Variants in PDSS2 observed in about 807,000 individuals in gnomAD.
PDSS2 encodes the protein all trans-polyprenyl-diphosphate synthase PDSS2.
In PDSS2, 31 loss-of-function variants were observed where a neutral mutation model predicts 44.5. The ratio of observed to expected loss-of-function variants is 0.70; its 90% confidence interval spans 0.52 to 0.94. PDSS2 has a LOEUF of 0.94. Ranked by LOEUF, PDSS2 falls within the 40% of genes least tolerant of loss-of-function variation. The pLI is 0.00. For missense variants in PDSS2, 452 were observed against 482.2 expected (o/e 0.94, Z 0.59); for synonymous variants, 157 against 180.3 (o/e 0.87, Z 1.03).
intron 7 of PDSS2, among the ~76,000 whole-genome samples, chr6:107,166,761 T>A (rs1771366505): frequency 6.6e-6 from 1 of 152,218 alleles, no homozygotes; most frequent in African/African-American, 2.4e-5. Context: ...TTGGTTCTGT[T>A]TATATGCTGG....
At chr6:107,367,802 CAAAAA>C (rs58861327) in intron 1 of PDSS2, among the ~76,000 whole-genome samples, 1 of 101,668 alleles carries the variant, frequency 9.8e-6, no homozygotes, top group Admixed American at 1.2e-4. Flanking sequence ...AACTCTGTCT[CAAAAA>C]AAAAAAAAAA....
intron 3 of PDSS2, among the ~76,000 whole-genome samples, chr6:107,258,980 C>A (rs1775121726): frequency 6.6e-6 from 1 of 152,140 alleles, no homozygotes; most frequent in African/African-American, 2.4e-5. Flanking sequence ...TTTAGTAAAG[C>A]ATGAGGATTT....
intron 4 of PDSS2, among the ~76,000 whole-genome samples, chr6:107,218,241 G>A (rs1861419): frequency 0.15 from 22,374 of 152,104 alleles, 1,885 homozygotes; most frequent in East Asian, 0.27. Flanking sequence ...GTTACAGTCT[G>A]TTGTTCACCC....
chr6:107,155,008 A>G (rs1337935565), intron 7 of PDSS2, among the ~76,000 whole-genome samples: 1 of 152,124 alleles, frequency 6.6e-6, no homozygotes, highest in Non-Finnish European at 1.5e-5. Flanking sequence ...ATAGGTTCCA[A>G]TCAGCTTAAT....
At chr6:107,229,416 C>G (rs1773958674) in intron 4 of PDSS2, among the ~76,000 whole-genome samples, 1 of 152,136 alleles carries the variant, frequency 6.6e-6, no homozygotes, top group African/African-American at 2.4e-5. Flanking sequence ...AACTCCTGAC[C>G]TCGTGATTCA....
At chr6:107,327,152 G>GT (rs1160823590) in intron 2 of PDSS2, among the ~76,000 whole-genome samples, 1 of 152,144 alleles carries the variant, frequency 6.6e-6, no homozygotes, top group Non-Finnish European at 1.5e-5. Flanking sequence ...TCAATTCAGT[G>GT]TTTTTTTCCT....
At chr6:107,399,256 C>G (rs981900937) in intron 1 of PDSS2, among the ~76,000 whole-genome samples, 2 of 152,166 alleles carry the variant, frequency 1.3e-5, no homozygotes, top group African/African-American at 4.8e-5. Context: ...AGGTACCTAC[C>G]CTTGGTCTTA....
chr6:107,161,007 G>C (rs1771105749), intron 7 of PDSS2, among the ~76,000 whole-genome samples: 1 of 151,970 alleles, frequency 6.6e-6, no homozygotes, highest in Admixed American at 6.6e-5. Context: ...AAAAGTGCTG[G>C]GATTACAGGT....
At chr6:107,354,935 T>C (rs1161148668) in intron 1 of PDSS2, among the ~76,000 whole-genome samples, 2 of 151,800 alleles carry the variant, frequency 1.3e-5, no homozygotes, top group Admixed American at 6.6e-5. Context: ...CACTTTTTTC[T>C]ATTTTTTTTT....
chr6:107,380,088 T>C (rs1371544602), intron 1 of PDSS2, among the ~76,000 whole-genome samples: 2 of 152,176 alleles, frequency 1.3e-5, no homozygotes, highest in Non-Finnish European at 2.9e-5. Context: ...AGTTGGCCTG[T>C]GTTTAAAGTT....
chr6:107,276,804 C>T (rs1433099255), intron 2 of PDSS2, among the ~76,000 whole-genome samples: 1 of 152,194 alleles, frequency 6.6e-6, no homozygotes, highest in East Asian at 1.9e-4. Context: ...GGGGCTTACA[C>T]TCTTTGAATG....
At position 107,241,344 on chromosome 6, in the gene PDSS2, C is replaced by CT. The variant is rs58623641; in HGVS notation, c.702+4203dup. Among the ~76,000 whole-genome samples the CT allele has an allele frequency of 3.3e-3, 255 of 77,968 alleles. 10 individuals carry two copies. The highest frequency in any genetic ancestry group is 5.6e-3 in the Admixed American group (31 of 5,584). The allele number at this position is 77,968 out of a possible 152,430, so 51.2% of individuals were successfully genotyped here. On this transcript the variant is annotated intron_variant, in intron 4 of 7. Transcript: ENST00000369037. ...ATTGCTCTACAAACCTCTTCTTCTT[C>CT]TTTTTTTTTTTTTTTTTTTTTGAGA...
At chr6:107,358,371 G>C (rs1488027183) in intron 1 of PDSS2, among the ~76,000 whole-genome samples, 3 of 152,136 alleles carry the variant, frequency 2.0e-5, no homozygotes, top group Non-Finnish European at 2.9e-5. Flanking sequence ...AGTATGTTCT[G>C]AAAATTAAAC....
At chr6:107,261,990 G>C (rs376431456) in intron 3 of PDSS2, among the ~76,000 whole-genome samples, 76 of 141,190 alleles carry the variant, frequency 5.4e-4, no homozygotes, top group African/African-American at 1.9e-3. Flanking sequence ...CTCACTCCAA[G>C]CTCCGCCTCC....
chr6:107,327,915 G>A (rs1777598514), intron 2 of PDSS2, among the ~76,000 whole-genome samples: 2 of 152,184 alleles, frequency 1.3e-5, no homozygotes, highest in South Asian at 4.1e-4. Context: ...ATCCCTTTAA[G>A]TCATCGTCCA....
chr6:107,161,418 T>C (rs1401130883), intron 7 of PDSS2, among the ~76,000 whole-genome samples: 1 of 150,138 alleles, frequency 6.7e-6, no homozygotes, highest in African/African-American at 2.5e-5. Context: ...AGGTGGAGCT[T>C]GCAGTGAGCC....
At chr6:107,394,765 T>C (rs1334931877) in intron 1 of PDSS2, among the ~76,000 whole-genome samples, 1 of 152,244 alleles carries the variant, frequency 6.6e-6, no homozygotes, top group Non-Finnish European at 1.5e-5. Context: ...TACATTTTAC[T>C]ACCTCATATG....
intron 1 of PDSS2, among the ~76,000 whole-genome samples, chr6:107,382,645 C>T (rs1051241612): frequency 1.3e-5 from 2 of 152,080 alleles, no homozygotes; most frequent in Non-Finnish European, 2.9e-5. Context: ...CAAGACTAGC[C>T]TGGACAACAT....
At chr6:107,322,192 A>G (rs1777401480) in intron 2 of PDSS2, among the ~76,000 whole-genome samples, 1 of 152,158 alleles carries the variant, frequency 6.6e-6, no homozygotes, top group Non-Finnish European at 1.5e-5. Context: ...AGGGAATGCA[A>G]TTGAAGAGTT....
Sources: allele counts gnomAD v4.1 joint callset (sites outside exome capture counted in the v4.1 genomes callset), GRCh38; gene constraint gnomAD v4.1.1; transcripts MANE v1.5; gene names NCBI Gene and HGNC (gene_info 2026-07-23, HGNC 2026-07-21).